The following PDE10A variants were observed in gnomAD, a reference collection of about 807,000 sequenced individuals.
PDE10A encodes the protein cAMP and cAMP-inhibited cGMP 3',5'-cyclic phosphodiesterase 10A.
A neutral mutation model predicts 97.7 loss-of-function variants in PDE10A; 39 were observed. That is an observed-to-expected ratio of 0.40 (90% confidence interval 0.31 to 0.52). PDE10A has a LOEUF of 0.52. Among genes scored for constraint, PDE10A ranks in the 20% least tolerant of loss-of-function variants. PDE10A has a pLI of 0.56. For synonymous variants in PDE10A, 371 were observed against 376.8 expected (o/e 0.98, Z 0.18); for missense variants, 731 against 1,047.8 (o/e 0.70, Z 4.17).
At chr6:165,657,832 C>CA (rs1180156286) in intron 1 of PDE10A, among the ~76,000 whole-genome samples, 3 of 152,132 alleles carry the variant, frequency 2.0e-5, no homozygotes, top group African/African-American at 7.2e-5. Flanking sequence ...ATTTCCTTAC[C>CA]AAAAAATAGG....
At chr6:165,379,480 A>G in intron 17 of PDE10A, 114 bp from the exon 18 acceptor site, 2 of 787,304 alleles carry the variant, frequency 2.5e-6, no homozygotes, top group Non-Finnish European at 1.9e-6. Context: ...CACACTAATG[A>G]AAGGTTTTGG....
At chr6:165,781,979 C>T (rs1778354327) in intron 1 of PDE10A, 1 of 152,066 alleles carries the variant, frequency 6.6e-6, no homozygotes, top group Admixed American at 6.5e-5. Flanking sequence ...GTTGTGACAT[C>T]AGCAACAGCA....
At chr6:165,593,978 T>C (rs1278676695) in intron 1 of PDE10A, among the ~76,000 whole-genome samples, 1 of 152,264 alleles carries the variant, frequency 6.6e-6, no homozygotes, top group Non-Finnish European at 1.5e-5. Flanking sequence ...TTTCTAATAA[T>C]TACTTTCTAT....
intron 13 of PDE10A, 143 bp from the exon 14 acceptor site, chr6:165,396,602 T>G (rs1004300346): frequency 6.9e-6 from 5 of 727,306 alleles, no homozygotes; most frequent in Non-Finnish European, 8.7e-6. Flanking sequence ...TATTTCCATA[T>G]GCACTGGGAT....
At chr6:165,478,009 T>G (rs1009968679) in intron 3 of PDE10A, among the ~76,000 whole-genome samples, 1 of 152,190 alleles carries the variant, frequency 6.6e-6, no homozygotes, top group Non-Finnish European at 1.5e-5. Context: ...CTCTAAGAAG[T>G]GTCACCTACT....
At chr6:165,787,674 T>C (rs1778532306) in intron 1 of PDE10A, among the ~76,000 whole-genome samples, 1 of 152,228 alleles carries the variant, frequency 6.6e-6, no homozygotes. Context: ...ATTTTTTTCT[T>C]ATTCAGTAAT....
intron 1 of PDE10A, among the ~76,000 whole-genome samples, chr6:165,576,970 A>G (rs1353035398): frequency 6.6e-6 from 1 of 152,196 alleles, no homozygotes; most frequent in East Asian, 1.9e-4. Context: ...TCACACAGAA[A>G]AGTCCACTCT....
chr6:165,836,280 C>A (rs1045620808), intron 1 of PDE10A, among the ~76,000 whole-genome samples: 1 of 152,188 alleles, frequency 6.6e-6, no homozygotes, highest in Non-Finnish European at 1.5e-5. Flanking sequence ...TAACTATTTT[C>A]TGAAACATTT....
chr6:165,380,353 C>A (rs1784856262), intron 17 of PDE10A, among the ~76,000 whole-genome samples: 1 of 152,074 alleles, frequency 6.6e-6, no homozygotes, highest in Admixed American at 6.5e-5. Context: ...AAGCATATTT[C>A]TTTAAAAAAT....
At chr6:165,487,658 C>T (rs892134706) in intron 2 of PDE10A, among the ~76,000 whole-genome samples, 11 of 152,034 alleles carry the variant, frequency 7.2e-5, no homozygotes, top group African/African-American at 2.7e-4. Context: ...GGGCAAGGTG[C>T]CTAACTTCTG....
chr6:165,959,533 A>G (rs1189105908), intron 1 of PDE10A, among the ~76,000 whole-genome samples: 1 of 152,224 alleles, frequency 6.6e-6, no homozygotes, highest in African/African-American at 2.4e-5. Flanking sequence ...TAGTTTCTGC[A>G]TTCATTTCAG....
At chr6:165,619,292 G>A (rs985124133) in intron 1 of PDE10A, among the ~76,000 whole-genome samples, 1 of 119,816 alleles carries the variant, frequency 8.3e-6, no homozygotes, top group Non-Finnish European at 1.8e-5. Flanking sequence ...GTCTAGCATA[G>A]TCTAGTGTAG....
chr6:165,597,713 T>C (rs1175758678), intron 1 of PDE10A, among the ~76,000 whole-genome samples: 1 of 152,228 alleles, frequency 6.6e-6, no homozygotes, highest in Non-Finnish European at 1.5e-5. Context: ...TCCAGATAGC[T>C]TAACAGCTGT....
chr6:165,915,278 G>T (rs1416979747), intron 1 of PDE10A, among the ~76,000 whole-genome samples: 1 of 152,174 alleles, frequency 6.6e-6, no homozygotes, highest in Non-Finnish European at 1.5e-5. Flanking sequence ...ACAGAAGGCT[G>T]TGACAAGGTC....
chr6:165,735,804 C>T (rs1328035512), intron 1 of PDE10A, among the ~76,000 whole-genome samples: 1 of 152,210 alleles, frequency 6.6e-6, no homozygotes, highest in Non-Finnish European at 1.5e-5. Flanking sequence ...TTATGTGGAA[C>T]CAAATATCTG....
chr6:165,878,326 G>A (rs891850956), intron 1 of PDE10A, among the ~76,000 whole-genome samples: 1 of 152,210 alleles, frequency 6.6e-6, no homozygotes, highest in African/African-American at 2.4e-5. Flanking sequence ...ATTTATGTAA[G>A]TGTGTTAAGA....
chr6:165,431,821 T>C, intron 7 of PDE10A, among the ~76,000 whole-genome samples: 1 of 143,214 alleles, frequency 7.0e-6, no homozygotes, highest in African/African-American at 2.4e-5. Flanking sequence ...TTCATCTTAA[T>C]TTTGGATAAA....
chr6:165,728,073 C>T (rs1446284733), intron 1 of PDE10A, among the ~76,000 whole-genome samples: 1 of 152,184 alleles, frequency 6.6e-6, no homozygotes, highest in Non-Finnish European at 1.5e-5. Flanking sequence ...CCAACATACA[C>T]ACCCTTTTCA....
At chr6:165,674,811 C>T (rs1297670816) in intron 1 of PDE10A, among the ~76,000 whole-genome samples, 2 of 152,190 alleles carry the variant, frequency 1.3e-5, no homozygotes, top group African/African-American at 4.8e-5. Context: ...GCATAAACTT[C>T]CAGTTAGGAA....
Sources: gnomAD v4.1 joint callset for allele counts (sites outside exome capture counted in the v4.1 genomes callset) on GRCh38, gnomAD v4.1.1 for gene constraint, MANE v1.5 for transcripts, NCBI Gene and HGNC (gene_info 2026-07-23, HGNC 2026-07-21) for gene names.